The following PDIA3 variants were observed in gnomAD, a reference collection of about 807,000 sequenced individuals.
PDIA3 encodes protein disulfide-isomerase A3.
Under a neutral mutation model 56.9 loss-of-function variants are expected in PDIA3, and 16 were observed. The observed-to-expected ratio is 0.28, with a 90% confidence interval of 0.19 to 0.43. The LOEUF (loss-of-function observed/expected upper bound fraction) is 0.43. PDIA3 is among the 20% of genes least tolerant of loss of function. PDIA3 has a pLI of 1.00. For missense variants in PDIA3, 485 were observed against 621.3 expected (o/e 0.78, Z 2.33); for synonymous variants, 192 against 216.5 (o/e 0.89, Z 0.99).
intron 1 of PDIA3, among the ~76,000 whole-genome samples, chr15:43,747,552 GTGTT>G (rs1415862072): frequency 6.6e-6 from 1 of 151,738 alleles, no homozygotes; most frequent in Non-Finnish European, 1.5e-5. Flanking sequence ...GTCAACTTGA[GTGTT>G]TGTTTTTTTT....
Position 43,746,715 on chromosome 15 carries a change from A to G in PDIA3, c.167+9A>G, listed in dbSNP as rs1363909521. ...GAGTTCTTCGCCCCCTGGTGAGTCC[A>G]TTCTGCCGAGGCGGGGGAAGAAAGG... On this transcript the variant is annotated intron_variant, in intron 1 of 12. Coordinates refer to ENST00000300289, the MANE Select transcript of PDIA3 (RefSeq NM_005313.5). 1 of 1,612,216 alleles carries G rather than the reference A, an allele frequency of 6.2e-7. No individual in the cohort carries two copies. The highest frequency in any genetic ancestry group is 2.2e-5 in the East Asian group (1 of 44,824).
intron 9 of PDIA3, among the ~76,000 whole-genome samples, chr15:43,768,917 G>A (rs975947061): frequency 2.6e-5 from 4 of 151,998 alleles, no homozygotes; most frequent in Admixed American, 1.3e-4. Flanking sequence ...CCAGCTACTC[G>A]GGAGGCTGAG....
At chr15:43,760,489 AAC>A (rs1331180074) in intron 3 of PDIA3, among the ~76,000 whole-genome samples, 2 of 152,160 alleles carry the variant, frequency 1.3e-5, no homozygotes, top group Admixed American at 1.3e-4. Flanking sequence ...TTTATAGTGA[AAC>A]ACTATGCATT....
chr15:43,757,737 C>T (rs902793027), intron 3 of PDIA3, among the ~76,000 whole-genome samples: 19 of 151,926 alleles, frequency 1.3e-4, no homozygotes, highest in African/African-American at 4.6e-4. Context: ...TGGCACATGC[C>T]TGTAATCCCA....
In PDIA3 at chr15:43,771,085, G is replaced by A. The variant is rs1596026517; in HGVS notation, c.1405-20G>A. On this transcript the variant is annotated intron_variant, in intron 12 of 12. Coordinates refer to ENST00000300289, the MANE Select transcript of PDIA3 (RefSeq NM_005313.5). ...GTTCTTTAAAAAGTTACACTTTTAA[G>A]CTGATCTTTCTGTTTTCAGGGTGGC... 12 of 1,542,848 alleles carry A rather than the reference G, an allele frequency of 7.8e-6. 1 individual carries two copies. The East Asian group carries it at 2.7e-4, about 35-fold the overall frequency.
At chr15:43,759,593 A>G (rs1179103574) in intron 3 of PDIA3, among the ~76,000 whole-genome samples, 1 of 152,206 alleles carries the variant, frequency 6.6e-6, no homozygotes, top group Non-Finnish European at 1.5e-5. Context: ...ACCTATATCC[A>G]CAGCAGCATT....
In PDIA3 at chr15:43,768,405, A is replaced by T. The variant is rs1367852721; in HGVS notation, c.1029-84A>T. On this transcript the variant is annotated intron_variant, in intron 8 of 12. Transcript: ENST00000300289. ...TTTTAGCCTTGAAAAGCTAAAATAC[A>T]TAGTAACTATTCAAAGAAATTGCTG... is the stretch of plus-strand genomic sequence containing the variant. The T allele has an allele frequency of 8.1e-6, 8 of 990,922 alleles. No individual in the cohort carries two copies. In the Admixed American group the frequency reaches 1.5e-4, roughly 18 times the overall value. The allele number at this position is 990,922 out of a possible 1,614,324, so 61.4% of individuals were successfully genotyped here.
At chr15:43,748,328 A>G (rs1297854196) in intron 1 of PDIA3, among the ~76,000 whole-genome samples, 1 of 151,994 alleles carries the variant, frequency 6.6e-6, no homozygotes, top group Non-Finnish European at 1.5e-5. Flanking sequence ...AAAATACGAA[A>G]TTAGCCGGGC....
intron 7 of PDIA3, 54 bp downstream of exon 7, chr15:43,766,066 G>T: frequency 6.6e-7 from 1 of 1,511,966 alleles, no homozygotes; most frequent in Admixed American, 1.8e-5. Flanking sequence ...TGTATAGACA[G>T]TCCCTTCTAA....
Position 43,766,084 on chromosome 15 carries a change from G to A in PDIA3, c.845+72G>A, listed in dbSNP as rs761792486. 144 of 1,190,188 alleles carry A rather than the reference G, an allele frequency of 1.2e-4. 1 individual carries two copies. The highest frequency in any genetic ancestry group is 1.6e-4 in the Non-Finnish European group (140 of 861,098). The allele number at this position is 1,190,188 out of a possible 1,614,324, so 73.7% of individuals were successfully genotyped here. On this transcript the variant is annotated intron_variant, in intron 7 of 12. Coordinates refer to ENST00000300289, the MANE Select transcript of PDIA3 (RefSeq NM_005313.5). ...ATAGACAGTCCCTTCTAACTATCTT[G>A]TTGGTTCCTTAAGAATCTGTAAAAC...
rs2086887340 is a variant in PDIA3 at position 43,772,492 on chromosome 15, G to T, written c.*1274G>T. 6.6e-6 allele frequency: 1 copy of T among 152,240 alleles called. No homozygotes were observed. Among genetic ancestry groups the T allele is most frequent in the Admixed American group, 6.5e-5 (1 of 15,286 alleles). 9.4% of individuals were successfully genotyped at this position (152,240 alleles called of 1,614,324 possible). On this transcript the variant is annotated 3_prime_UTR_variant, in exon 13 of 13. Coordinates refer to ENST00000300289, the MANE Select transcript of PDIA3 (RefSeq NM_005313.5). ...TGTAACTCATAACATCTGGGCTGGG[G>T]CCCGGGGATCTAATTGTTTAGAGAG...
At chr15:43,750,668 G>C (rs575344652) in intron 1 of PDIA3, among the ~76,000 whole-genome samples, 8 of 151,472 alleles carry the variant, frequency 5.3e-5, no homozygotes, top group Non-Finnish European at 8.8e-5. Context: ...CCAGCTACTC[G>C]GGAGGCTGAG....
At chr15:43,746,735 G>A (rs1208000354) in intron 1 of PDIA3, 29 bp downstream of exon 1, 4 of 1,610,746 alleles carry the variant, frequency 2.5e-6, no homozygotes, top group Non-Finnish European at 3.4e-6. Flanking sequence ...GGCGGGGGAA[G>A]AAAGGCGGGG....
intron 6 of PDIA3, 90 bp downstream of exon 6, chr15:43,765,656 A>G: frequency 2.1e-6 from 2 of 962,116 alleles, no homozygotes; most frequent in Non-Finnish European, 3.3e-6. Context: ...ATTTTGGCGT[A>G]AACAGTCTAT....
intron 1 of PDIA3, among the ~76,000 whole-genome samples, chr15:43,749,906 C>T (rs2086732528): frequency 1.3e-5 from 2 of 151,772 alleles, no homozygotes; most frequent in African/African-American, 4.8e-5. Context: ...GAGATTGCAC[C>T]ATTGCACTCC....
At chr15:43,755,506 A>G (rs1320150058) in intron 2 of PDIA3, among the ~76,000 whole-genome samples, 1 of 152,244 alleles carries the variant, frequency 6.6e-6, no homozygotes, top group South Asian at 2.1e-4. Flanking sequence ...GCCATTCTGT[A>G]GTAAACCCAT....
intron 8 of PDIA3, among the ~76,000 whole-genome samples, chr15:43,768,287 C>T (rs1040360686): frequency 1.3e-5 from 2 of 152,172 alleles, no homozygotes; most frequent in Non-Finnish European, 2.9e-5. Flanking sequence ...TTTCTCTGAA[C>T]TTTGTAATCC....
At chr15:43,769,675 C>G (rs777171534) in intron 10 of PDIA3, 29 bp downstream of exon 10, 1 of 1,609,198 alleles carries the variant, frequency 6.2e-7, no homozygotes, top group Non-Finnish European at 8.5e-7. Flanking sequence ...CTGAGGATAA[C>G]ATTTGAGCGG....
chr15:43,768,668 G>A, intron 9 of PDIA3, 71 bp downstream of exon 9: 1 of 1,020,496 alleles, frequency 9.8e-7, no homozygotes. Context: ...AAAACTGTGG[G>A]GTCTAAATGA....
Sources: gnomAD v4.1 joint callset for allele counts (sites outside exome capture counted in the v4.1 genomes callset) on GRCh38, gnomAD v4.1.1 for gene constraint, MANE v1.5 for transcripts, NCBI Gene and HGNC (gene_info 2026-07-23, HGNC 2026-07-21) for gene names.